The following SERPINB7 variants were observed in gnomAD, a reference collection of about 807,000 sequenced individuals.
SERPINB7 encodes the protein serpin family B member 7.
A neutral mutation model predicts 37.4 loss-of-function variants in SERPINB7; 31 were observed. The ratio of observed to expected loss-of-function variants is 0.83; its 90% CI spans 0.62 to 1.12. The LOEUF (loss-of-function observed/expected upper bound fraction) is 1.12. Among genes scored for constraint, SERPINB7 ranks in the 50% most tolerant of loss-of-function variants. The pLI is 0.00. For synonymous variants in SERPINB7, 163 were observed against 166.1 expected, an observed-to-expected ratio of 0.98 and a Z score of 0.14; for missense variants, 521 against 455.3, an observed-to-expected ratio of 1.14 and a Z score of -1.31.
At chr18:63,775,135 G>T (rs915496472), upstream of SERPINB7, among the ~76,000 whole-genome samples, 19 of 152,032 alleles carry the variant, frequency 1.2e-4, no homozygotes, top group Non-Finnish European at 1.5e-5. Context: ...CTATTTGTGT[G>T]TTTCTCACAG....
intron 2 of SERPINB7, among the ~76,000 whole-genome samples, chr18:63,787,941 G>A (rs917634561): frequency 6.6e-5 from 10 of 152,158 alleles, no homozygotes; most frequent in Admixed American, 2.6e-4. Context: ...ATATCATAGC[G>A]AAATGCATTA....
rs1568200760 is a variant in SERPINB7, at chr18:63,765,039, ATTTG to A, written c.-19+11923_-19+11926del. Among the ~76,000 whole-genome samples, 3 of 152,188 alleles carry A rather than the reference ATTTG, an allele frequency of 2.0e-5. No individual in the cohort carries two copies. In the South Asian group the frequency reaches 6.2e-4, roughly 31 times the overall value. ...TAAAAGACCATAAACAAATTGCAGAATTTGTTTATGACAAATAAAATCTTCTGAG... is the reference window on the plus strand; with the variant it reads ...TAAAAGACCATAAACAAATTGCAGAATTTATGACAAATAAAATCTTCTGAG... On this transcript the variant is annotated intron_variant, in intron 1 of 7. Transcript: ENST00000336429.
chr18:63,792,483 C>A, intron 3 of SERPINB7, 40 bp downstream of exon 3: 1 of 1,385,064 alleles, frequency 7.2e-7, no homozygotes, highest in Non-Finnish European at 1.0e-6. Flanking sequence ...AGAAGGTGAG[C>A]CAGGTGCAGG....
At chr18:63,778,954 A>G (rs982336445) in intron 1 of SERPINB7, among the ~76,000 whole-genome samples, 1 of 152,212 alleles carries the variant, frequency 6.6e-6, no homozygotes, top group Non-Finnish European at 1.5e-5. Flanking sequence ...CAAGAAACAT[A>G]AGAATATAGT....
chr18:63,755,044 C>T (rs944529667), intron 1 of SERPINB7, among the ~76,000 whole-genome samples: 2 of 149,204 alleles, frequency 1.3e-5, no homozygotes, highest in African/African-American at 2.4e-5. Context: ...GGACTACAGG[C>T]GCCCGCCACC....
chr18:63,785,977 C>T (rs566544253), intron 2 of SERPINB7, among the ~76,000 whole-genome samples: 4 of 132,142 alleles, frequency 3.0e-5, no homozygotes, highest in Non-Finnish European at 6.2e-5. Context: ...ATATAATATA[C>T]GTATATATAC....
intron 6 of SERPINB7, 73 bp downstream of exon 6, chr18:63,798,819 C>G: frequency 6.9e-7 from 1 of 1,458,902 alleles, no homozygotes; most frequent in Non-Finnish European, 9.5e-7. Flanking sequence ...GTGATAGTTA[C>G]ATAGTAAACT....
At chr18:63,756,177 C>A (rs1328629285) in intron 1 of SERPINB7, among the ~76,000 whole-genome samples, 3 of 151,980 alleles carry the variant, frequency 2.0e-5, no homozygotes, top group Admixed American at 6.6e-5. Flanking sequence ...AAAGTAGGTG[C>A]TTTTCCTCAA....
chr18:63,756,775 G>T (rs1458998410), intron 1 of SERPINB7, among the ~76,000 whole-genome samples: 2 of 147,932 alleles, frequency 1.4e-5, no homozygotes, highest in Non-Finnish European at 3.0e-5. Flanking sequence ...TTTGGGTTTT[G>T]CCAGTTGTTT....
chr18:63,787,179 C>T (rs1283486240), intron 2 of SERPINB7, among the ~76,000 whole-genome samples: 1 of 152,120 alleles, frequency 6.6e-6, no homozygotes, highest in Non-Finnish European at 1.5e-5. Context: ...CTACTTGCGT[C>T]ATGTTGATGC....
chr18:63,753,200 G>T (rs779304048), intron 1 of SERPINB7: 1 of 152,182 alleles, frequency 6.6e-6, no homozygotes, highest in Non-Finnish European at 1.5e-5. Flanking sequence ...CCTAGTGCCT[G>T]AGGTGCTGCA....
upstream of SERPINB7, among the ~76,000 whole-genome samples, chr18:63,771,397 T>C (rs2049210259): frequency 6.6e-6 from 1 of 152,106 alleles, no homozygotes; most frequent in Non-Finnish European, 1.5e-5. Context: ...TCTCAGGTTT[T>C]ACTTTTATTT....
At chr18:63,762,293 A>G (rs1195849913) in intron 1 of SERPINB7, among the ~76,000 whole-genome samples, 1 of 152,254 alleles carries the variant, frequency 6.6e-6, no homozygotes, top group Non-Finnish European at 1.5e-5. Context: ...ATTTATTAAA[A>G]TTAATTCCAC....
intron 1 of SERPINB7, among the ~76,000 whole-genome samples, chr18:63,753,730 A>G (rs1303879768): frequency 3.3e-5 from 5 of 152,208 alleles, no homozygotes; most frequent in African/African-American, 1.2e-4. Context: ...GTTGATTATA[A>G]TCAATGATAT....
rs1410836091 is a variant in SERPINB7 at position 63,804,817 on chromosome 18, C to T, written c.*182C>T. On this transcript the variant is annotated 3_prime_UTR_variant, in exon 8 of 8. Coordinates refer to ENST00000398019, the MANE Select transcript of SERPINB7 (RefSeq NM_003784.4). Reference sequence around the variant, plus strand: ...AGACACCTGGTTGATTGTCCTGATCCCTGCTCTTAGCATTCTACCACCATG... The same window carrying T: ...AGACACCTGGTTGATTGTCCTGATCTCTGCTCTTAGCATTCTACCACCATG... 6.7e-6 allele frequency: 4 copies of T among 593,812 alleles called. No individual in the cohort carries two copies. The African/African-American group carries it at 7.4e-5, about 11-fold the overall frequency. 36.8% of individuals were successfully genotyped at this position (593,812 alleles called of 1,614,324 possible).
At chr18:63,763,045 A>G (rs1470514602) in intron 1 of SERPINB7, among the ~76,000 whole-genome samples, 2 of 152,232 alleles carry the variant, frequency 1.3e-5, no homozygotes, top group South Asian at 2.1e-4. Flanking sequence ...ATAGTGTAGC[A>G]TAAAACATAC....
At chr18:63,801,148 A>G in intron 7 of SERPINB7, 136 bp downstream of exon 7, 1 of 854,246 alleles carries the variant, frequency 1.2e-6, no homozygotes, top group East Asian at 2.5e-5. Flanking sequence ...TTTATTTGAC[A>G]AATATTTAAG....
chr18:63,794,133 T>C (rs1463692843), intron 4 of SERPINB7, among the ~76,000 whole-genome samples: 2 of 133,894 alleles, frequency 1.5e-5, no homozygotes, highest in Admixed American at 7.6e-5. Flanking sequence ...TTTTTTTTTT[T>C]GTATTTTTAG....
rs372450614 is a variant in SERPINB7 at position 63,793,161 on chromosome 18, T to C, written c.220T>C (p.Ser74Pro). Residue 74 changes from serine (S) to proline (P), a missense_variant and splice_region_variant, in exon 4 of 8, where the codon TCA (serine) becomes CCA (proline). Transcript: ENST00000398019. ...SGYGNSSNSQ[S>P]GLQSQLKRVF... Reference sequence around the variant, plus strand: ...TTTTTATACATCTTTTTAATAACAGTCAGGGCTCCAGTCTCAACTGAAAAG... The same window carrying C: ...TTTTTATACATCTTTTTAATAACAGCCAGGGCTCCAGTCTCAACTGAAAAG... The C allele has an allele frequency of 4.3e-5, 64 of 1,501,686 alleles. No homozygotes were observed. The highest frequency in any genetic ancestry group is 5.8e-5 in the Admixed American group (3 of 51,718). The allele number at this position is 1,501,686 out of a possible 1,614,324, so 93.0% of individuals were successfully genotyped here.
Sources: gnomAD v4.1 joint callset for allele counts (sites outside exome capture counted in the v4.1 genomes callset) on GRCh38, gnomAD v4.1.1 for gene constraint, MANE v1.5 for transcripts, NCBI Gene and HGNC (gene_info 2026-07-23, HGNC 2026-07-21) for gene names.